Variants in TRIM26 observed in about 807,000 individuals in gnomAD.
TRIM26 encodes the protein tripartite motif-containing protein 26.
A neutral mutation model predicts 45.5 loss-of-function variants in TRIM26; 16 were observed. The ratio of observed to expected loss-of-function variants is 0.35; its 90% CI spans 0.24 to 0.53. The LOEUF (loss-of-function observed/expected upper bound fraction) is 0.53. TRIM26 is among the 20% of genes least tolerant of loss of function. The pLI is 0.92. For synonymous variants in TRIM26, 273 were observed against 290.4 expected (o/e 0.94, Z 0.61); for missense variants, 442 against 691.1 (o/e 0.64, Z 4.04).
chr6:30,189,859 G>T lies in TRIM26; in HGVS notation c.788+154C>A, dbSNP rs981626387. ...GAGCAAGTCTCCAGTTCTCAATGAT[G>T]TGTCCTGCTCCTCAGAAGGGCATCA... On this transcript the variant is annotated intron_variant, in intron 7 of 9. Coordinates refer to ENST00000454678, the MANE Select transcript of TRIM26 (RefSeq NM_003449.5). This position sits in a 1 kb window ranked among gnomAD's most constrained non-coding sequence, Gnocchi z 5.0. 9.4e-6 allele frequency: 8 copies of T among 852,274 alleles called. No homozygotes were observed. Among genetic ancestry groups the T allele is most frequent in the South Asian group, 7.7e-5 (5 of 64,606 alleles). 52.8% of individuals were successfully genotyped at this position (852,274 alleles called of 1,614,324 possible). A position where few individuals can be genotyped will look rare whatever the true frequency, so the allele number is the denominator to read the frequency against.
At chr6:30,208,316 C>T (rs1011009726) in intron 1 of TRIM26, among the ~76,000 whole-genome samples, 3 of 152,146 alleles carry the variant, frequency 2.0e-5, no homozygotes, top group Non-Finnish European at 2.9e-5. Flanking sequence ...AGCAAATCAT[C>T]GTATCCAAGG....
chr6:30,188,057 A>C (rs1775383890), intron 9 of TRIM26, among the ~76,000 whole-genome samples: 2 of 149,184 alleles, frequency 1.3e-5, no homozygotes, highest in Admixed American at 1.3e-4. Context: ...GTCTCTACTA[A>C]AAATACAAAA....
Position 30,185,709 on chromosome 6 carries a change from C to T in TRIM26, c.*167G>A. 1.3e-6 allele frequency: 1 copy of T among 746,272 alleles called. No individual in the cohort carries two copies. The highest frequency in any genetic ancestry group is 2.2e-6 in the Non-Finnish European group (1 of 462,438). The allele number at this position is 746,272 out of a possible 1,614,324, so 46.2% of individuals were successfully genotyped here. ...TAGGGCAGTAGATGGAGCAACAGCA[C>T]TGAGTGAGATTTCAGGGGGCCACAG... On this transcript the variant is annotated 3_prime_UTR_variant, in exon 10 of 10. Coordinates refer to ENST00000454678, the MANE Select transcript of TRIM26 (RefSeq NM_003449.5). The surrounding 1 kb of genome is among the most constrained non-coding windows in gnomAD (Gnocchi z 5.7).
chr6:30,208,515 C>CTTTTTTTTTTTTTTT (rs35809533), intron 1 of TRIM26, among the ~76,000 whole-genome samples: 1 of 128,224 alleles, frequency 7.8e-6, no homozygotes, highest in African/African-American at 3.0e-5. Flanking sequence ...AATTTTTTTC[C>CTTTTTTTTTTTTTTT]TTTTTTTTTT....
Position 30,189,883 on chromosome 6 carries a change from C to G in TRIM26, c.788+130G>C, listed in dbSNP as rs1775638234. ...TGTGTCCTGCTCCTCAGAAGGGCAT[C>G]AGGATGAACCATGGGATGTGAGTAC... is the stretch of plus-strand genomic sequence containing the variant. On this transcript the variant is annotated intron_variant, in intron 7 of 9. Coordinates refer to ENST00000454678, the MANE Select transcript of TRIM26 (RefSeq NM_003449.5). This position sits in a 1 kb window ranked among gnomAD's most constrained non-coding sequence, Gnocchi z 5.0. 1.8e-6 allele frequency: 2 copies of G among 1,102,792 alleles called. No homozygotes were observed. Among genetic ancestry groups the G allele is most frequent in the Admixed American group, 1.9e-5 (1 of 53,730 alleles). The allele number at this position is 1,102,792 out of a possible 1,614,324, so 68.3% of individuals were successfully genotyped here.
Position 30,189,657 on chromosome 6 carries a change from G to A in TRIM26, c.789-124C>T. The A allele has an allele frequency of 1.2e-6, 1 of 868,012 alleles. No individual in the cohort carries two copies. Among genetic ancestry groups the A allele is most frequent in the Non-Finnish European group, 1.8e-6 (1 of 554,276 alleles). The allele number at this position is 868,012 out of a possible 1,614,324, so 53.8% of individuals were successfully genotyped here. A position where few individuals can be genotyped will look rare whatever the true frequency, so the allele number is the denominator to read the frequency against. On this transcript the variant is annotated intron_variant, in intron 7 of 9. Transcript: ENST00000454678. This position sits in a 1 kb window ranked among gnomAD's most constrained non-coding sequence, Gnocchi z 5.0. ...AAGGTATGATTATCCCCAAACAAGTGACAGAAAAACAGTGGCCCAAAGACA... is the reference window on the plus strand; with the variant it reads ...AAGGTATGATTATCCCCAAACAAGTAACAGAAAAACAGTGGCCCAAAGACA...
At chr6:30,199,506 A>G (rs1776878642) in intron 3 of TRIM26, among the ~76,000 whole-genome samples, 1 of 152,224 alleles carries the variant, frequency 6.6e-6, no homozygotes, top group Non-Finnish European at 1.5e-5. Flanking sequence ...TGGGAAACTC[A>G]TAATGATACA....
In TRIM26 at chr6:30,198,341, C is replaced by G; in HGVS notation, c.534+88G>C. On this transcript the variant is annotated intron_variant, in intron 5 of 9. Transcript: ENST00000454678. This position sits in a 1 kb window ranked among gnomAD's most constrained non-coding sequence, Gnocchi z 6.3. ...CCTCCCTGTGAGCAGCGCCTAGAAA[C>G]ACCTCCCAGCTGCCGCCTACTTGCC... 6.9e-7 allele frequency: 1 copy of G among 1,453,140 alleles called. No individual in the cohort carries two copies. The highest frequency in any genetic ancestry group is 9.6e-7 in the Non-Finnish European group (1 of 1,042,652). The allele number at this position is 1,453,140 out of a possible 1,614,324, so 90.0% of individuals were successfully genotyped here. A position where few individuals can be genotyped will look rare whatever the true frequency, so the allele number is the denominator to read the frequency against.
Position 30,198,835 on chromosome 6 carries a change from C to T in TRIM26, c.269G>A (p.Gly90Glu), listed in dbSNP as rs374086379. The change falls in exon 4 of 10, where the codon GGA becomes GAA. Residue 90 changes from glycine to glutamate, a missense_variant. Physicochemically the swap from Gly to Glu is moderately conservative, Grantham distance 98 (BLOSUM62 -2). Coordinates refer to ENST00000454678, the MANE Select transcript of TRIM26 (RefSeq NM_003449.5). The surrounding 1 kb of genome is among the most constrained non-coding windows in gnomAD (Gnocchi z 6.3). ...RLKVDKGRQP[G>E]EVTREQQDAK... is the part of the protein sequence containing the mutation. Reference sequence around the variant, plus strand: ...ATCCTGCTGCTCCCGGGTCACCTCTCCCGGCTGCCTGCCCTTGTCCACCTT... The same window carrying T: ...ATCCTGCTGCTCCCGGGTCACCTCTTCCGGCTGCCTGCCCTTGTCCACCTT... 80 of 1,612,732 alleles carry T rather than the reference C, an allele frequency of 5.0e-5. No homozygotes were observed. Among genetic ancestry groups the T allele is most frequent in the Non-Finnish European group, 6.0e-5 (71 of 1,180,028 alleles).
chr6:30,188,452 G>T, intron 9 of TRIM26: 1 of 270,240 alleles, frequency 3.7e-6, no homozygotes. Flanking sequence ...TCTATAATTA[G>T]AATAACCTGA....
Position 30,198,955 on chromosome 6 carries a change from C to T in TRIM26, c.149G>A (p.Arg50His), listed in dbSNP as rs1395603602. The T allele has an allele frequency of 1.1e-5, 17 of 1,612,602 alleles. No homozygotes were observed. Among genetic ancestry groups the T allele is most frequent in the Admixed American group, 1.7e-5 (1 of 59,978 alleles). ...TTDVRPISGS[R>H]PVCPLCKKPF... ...CTTCTTGCAGAGTGGGCAGACGGGG[C>T]GGCTCCCTGAGATGGGGCGGACGTC... The change falls in exon 4 of 10, where the codon CGC (arginine) becomes CAC (histidine). Residue 50 changes from arginine (R) to histidine (H), a missense_variant. Physicochemically the swap from Arg to His is conservative, Grantham distance 29. Transcript: ENST00000454678. The surrounding 1 kb of genome is among the most constrained non-coding windows in gnomAD (Gnocchi z 6.3).
In TRIM26 at chr6:30,189,158, G is replaced by C; in HGVS notation, c.937+9C>G. 1 of 1,612,370 alleles carries C rather than the reference G, an allele frequency of 6.2e-7. No individual in the cohort carries two copies. The highest frequency in any genetic ancestry group is 1.3e-5 in the African/African-American group (1 of 74,988). ...ATGTACATCTGGGAAACACCCTCTA[G>C]ACACTCACCTGTCTTATATTCCAAG... On this transcript the variant is annotated intron_variant, in intron 9 of 9. Transcript: ENST00000454678. The surrounding 1 kb of genome is among the most constrained non-coding windows in gnomAD (Gnocchi z 5.0).
chr6:30,210,751 T>C (rs1260026797), intron 1 of TRIM26, among the ~76,000 whole-genome samples: 1 of 152,188 alleles, frequency 6.6e-6, no homozygotes, highest in African/African-American at 2.4e-5. Context: ...ATAAAAGTTA[T>C]ATGCATGTGG....
Position 30,198,745 on chromosome 6 carries a change from A to G in TRIM26, c.359T>C (p.Leu120Pro). The change falls in exon 4 of 10, where the codon CTG becomes CCG. Residue 120 changes from leucine (L) to proline (P), a missense_variant. Physicochemically the swap from Leu to Pro is moderately conservative, Grantham distance 98. Coordinates refer to ENST00000454678, the MANE Select transcript of TRIM26 (RefSeq NM_003449.5). This position sits in a 1 kb window ranked among gnomAD's most constrained non-coding sequence, Gnocchi z 6.3. ...CCGGGACTCCCGGCACATCACGCAC[A>G]GCAGCTTCCCGTCGTCCTCACAGTA... ...HYYCEDDGKL[L>P]CVMCRESREH... is the part of the protein sequence containing the mutation. 6.2e-7 allele frequency: 1 copy of G among 1,603,916 alleles called. No individual in the cohort carries two copies.
chr6:30,193,193 T>TTTC lies in TRIM26; in HGVS notation c.766-3159_766-3158insGAA, dbSNP rs1554201704. On this transcript the variant is annotated intron_variant, in intron 6 of 9. Transcript: ENST00000454678. The stretch of plus-strand genomic sequence containing the variant: ...ATATATATATATATATTTTTTTTTT[T>TTTC]TTTTTTTTAATGGAGTCTCACTCTA... 2.0e-3 allele frequency among the ~76,000 whole-genome samples: 135 copies of TTTC among 68,142 alleles called. 7 individuals are homozygous for TTTC. Among genetic ancestry groups the TTTC allele is most frequent in the East Asian group, 0.018 (49 of 2,750 alleles). 44.7% of individuals were successfully genotyped at this position (68,142 alleles called of 152,430 possible). A position where few individuals can be genotyped will look rare whatever the true frequency, so the allele number is the denominator to read the frequency against.
At position 30,186,434 on chromosome 6, in the gene TRIM26, C is replaced by A; in HGVS notation, c.1062G>T (p.Glu354Asp). 6.2e-7 allele frequency: 1 copy of A among 1,606,000 alleles called. No homozygotes were observed. Among genetic ancestry groups the A allele is most frequent in the South Asian group, 1.1e-5 (1 of 89,910 alleles). The change falls in exon 10 of 10, where the codon GAG (glutamate) becomes GAT (aspartate). Residue 354 changes from glutamate to aspartate, a missense_variant. Transcript: ENST00000454678. The surrounding 1 kb of genome is among the most constrained non-coding windows in gnomAD (Gnocchi z 7.4). The stretch of plus-strand genomic sequence containing the variant: ...AGCCCTTGCTGCCTAGCACCCCAGG[C>A]TCACAGTCAAACTGCTGGGGGTGCA... ...AYLHPQQFDCEPGVLGSKGFT... is the reference protein window; with the variant it reads ...AYLHPQQFDCDPGVLGSKGFT...
chr6:30,206,618 G>C (rs536578365), intron 1 of TRIM26, among the ~76,000 whole-genome samples: 15 of 152,326 alleles, frequency 9.8e-5, no homozygotes, highest in African/African-American at 3.1e-4. Flanking sequence ...GTGTCACTTG[G>C]TGCTTTGCAC....
At position 30,209,057 on chromosome 6, in the gene TRIM26, T is replaced by C. The variant is rs188932988; in HGVS notation, c.-376+4248A>G. ...TGCTCCTCGACCCAACCAGTAAATG[T>C]TGTAAATGTTTATCTTTGGGGAGAG... On this transcript the variant is annotated intron_variant, in intron 1 of 9. Transcript: ENST00000454678. This position sits in a 1 kb window ranked among gnomAD's most constrained non-coding sequence, Gnocchi z 4.8. 1.0e-3 allele frequency among the ~76,000 whole-genome samples: 157 copies of C among 151,972 alleles called. 3 individuals carry two copies. The highest frequency in any genetic ancestry group is 1.0e-3 in the Non-Finnish European group (68 of 67,972).
In TRIM26 at chr6:30,186,573, GAA is replaced by G. The variant is rs28381562; in HGVS notation, c.938-17_938-16del. ...GGTGACGCTCACTGTGGGGACAAGGGAAAAAAAAAAAAACAGCATCACTGTTT... is the reference window on the plus strand; with the variant it reads ...GGTGACGCTCACTGTGGGGACAAGGGAAAAAAAAAAACAGCATCACTGTTT... On this transcript the variant is annotated splice_polypyrimidine_tract_variant and intron_variant, in intron 9 of 9. Transcript: ENST00000454678. The surrounding 1 kb of genome is among the most constrained non-coding windows in gnomAD (Gnocchi z 7.4). 2.3e-4 allele frequency: 315 copies of G among 1,355,002 alleles called. No homozygotes were observed. Among genetic ancestry groups the G allele is most frequent in the African/African-American group, 2.0e-3 (129 of 65,380 alleles). The allele number at this position is 1,355,002 out of a possible 1,614,324, so 83.9% of individuals were successfully genotyped here. A position where few individuals can be genotyped will look rare whatever the true frequency, so the allele number is the denominator to read the frequency against.
Sources: gnomAD v4.1 joint callset for allele counts (sites outside exome capture counted in the v4.1 genomes callset) on GRCh38, gnomAD v4.1.1 for gene constraint, Gnocchi (gnomAD v3.1) non-coding constraint, MANE v1.5 for transcripts, NCBI Gene and HGNC (gene_info 2026-07-23, HGNC 2026-07-21) for gene names.